ADRA1D: variants seen among roughly 807,000 people sequenced by gnomAD.
ADRA1D encodes alpha-1D adrenergic receptor.
In ADRA1D, 22 loss-of-function variants were observed where a neutral mutation model predicts 18.6. The observed-to-expected ratio is 1.19, with a 90% CI of 0.85 to 1.69. ADRA1D has a LOEUF of 1.69. ADRA1D is among the 40% of genes most tolerant of loss of function. The probability of loss-of-function intolerance (pLI) is 0.00; values close to 1 mark genes in which losing one functional copy is unlikely to be tolerated. For synonymous variants in ADRA1D, 376 were observed against 388.2 expected, an observed-to-expected ratio of 0.97 and a Z score of 0.37; for missense variants, 840 against 840.7, an observed-to-expected ratio of 1.00 and a Z score of 0.01.
chr20:4,237,656 G>A (rs1981124536), intron 1 of ADRA1D, among the ~76,000 whole-genome samples: 1 of 123,290 alleles, frequency 8.1e-6, no homozygotes, highest in Non-Finnish European at 1.7e-5. Flanking sequence ...CTAATGTCAG[G>A]ATTTTTTTTT....
chr20:4,238,011 G>T (rs914175957), intron 1 of ADRA1D, among the ~76,000 whole-genome samples: 4 of 151,160 alleles, frequency 2.6e-5, no homozygotes, highest in African/African-American at 9.7e-5. Flanking sequence ...ACTTTGGGAG[G>T]CCGAGGCGGG....
chr20:4,226,444 A>G lies in ADRA1D; in HGVS notation c.1112-4314T>C, dbSNP rs6107426. ...AGAATCAGGGAAAAGAAGGAAGCCA[A>G]TAAAGTGTGTTATCAAGTTACGGAT... On this transcript the variant is annotated intron_variant, in intron 1 of 1. Transcript: ENST00000379453. Among the ~76,000 whole-genome samples, 776 of 152,352 alleles carry G rather than the reference A, an allele frequency of 5.1e-3. 7 individuals carry two copies. Among genetic ancestry groups the G allele is most frequent in the African/African-American group, 0.018 (745 of 41,580 alleles).
rs1981123230 is a variant in ADRA1D, at chr20:4,237,613, T to C, written c.1111+10234A>G. Among the ~76,000 whole-genome samples, 5 of 150,744 alleles carry C rather than the reference T, an allele frequency of 3.3e-5. No individual in the cohort carries two copies. The South Asian group carries it at 1.0e-3, about 32-fold the overall frequency. On this transcript the variant is annotated intron_variant, in intron 1 of 1. Coordinates refer to ENST00000379453, the MANE Select transcript of ADRA1D (RefSeq NM_000678.4). ...AGCTACCCTGAGTAGGGCTGATGCA[T>C]GTGGCAGGTGGGAAAAGGTGTCCTA...
At position 4,221,863 on chromosome 20, in the gene ADRA1D, G is replaced by C; in HGVS notation, c.1379C>G (p.Ala460Gly). The change falls in exon 2 of 2, where the codon GCG (alanine) becomes GGG (glycine). Residue 460 changes from alanine (A) to glycine (G), a missense_variant. Physicochemically the swap from Ala to Gly is moderately conservative, Grantham distance 60 (BLOSUM62 0). Transcript: ENST00000379453. ...GGGGAGCGCGGTGAGGGCCAGCGGC[G>C]CTCCGGGGGGCGCGTCGCCCGAACT... is the stretch of plus-strand genomic sequence containing the variant. ...APSSGDAPPG[A>G]PLALTALPDP... 1.4e-6 allele frequency: 2 copies of C among 1,462,746 alleles called. No individual in the cohort carries two copies. The highest frequency in any genetic ancestry group is 1.8e-6 in the Non-Finnish European group (2 of 1,116,436). The allele number at this position is 1,462,746 out of a possible 1,614,324, so 90.6% of individuals were successfully genotyped here. A position where few individuals can be genotyped will look rare whatever the true frequency, so the allele number is the denominator to read the frequency against.
rs1320281165 is a variant in ADRA1D at position 4,246,843 on chromosome 20, G to A, written c.1111+1004C>T. Among the ~76,000 whole-genome samples, 4 of 152,238 alleles carry A rather than the reference G, an allele frequency of 2.6e-5. No homozygotes were observed. In the East Asian group the frequency reaches 7.7e-4, roughly 29 times the overall value. On this transcript the variant is annotated intron_variant, in intron 1 of 1. Coordinates refer to ENST00000379453, the MANE Select transcript of ADRA1D (RefSeq NM_000678.4). ...ATATATAAAGTTCACTGTGGCTGCA[G>A]TGTGGAAAGGGCTTCCGGGGGCACA...
At chr20:4,225,147 A>G (rs896932683) in intron 1 of ADRA1D, among the ~76,000 whole-genome samples, 3 of 151,390 alleles carry the variant, frequency 2.0e-5, no homozygotes, top group Admixed American at 2.0e-4. Flanking sequence ...GACTACAGGC[A>G]CGCACCACCA....
intron 1 of ADRA1D, among the ~76,000 whole-genome samples, chr20:4,226,027 C>T (rs1232684095): frequency 6.6e-6 from 1 of 152,220 alleles, no homozygotes; most frequent in African/African-American, 2.4e-5. Flanking sequence ...CCTTCTGACT[C>T]AAGCTACAAT....
At chr20:4,223,251 A>G (rs1166854967) in intron 1 of ADRA1D, among the ~76,000 whole-genome samples, 1 of 152,270 alleles carries the variant, frequency 6.6e-6, no homozygotes, top group Non-Finnish European at 1.5e-5. Context: ...ATGCAGAAGC[A>G]TATTCATTAG....
In ADRA1D at chr20:4,248,363, G is replaced by T. The variant is rs753986566; in HGVS notation, c.595C>A (p.Arg199Ser). ...TISVDRYVGVRHSLKYPAIMT... is the reference protein window; with the variant it reads ...TISVDRYVGVSHSLKYPAIMT... ...ATGGCTGGGTACTTGAGTGAGTGGC[G>T]CACGCCCACGTACCGGTCCACGGAG... Residue 199 changes from arginine to serine, a missense_variant, in exon 1 of 2, where the codon CGC becomes AGC. Transcript: ENST00000379453. The T allele has an allele frequency of 6.2e-7, 1 of 1,606,728 alleles. No individual in the cohort carries two copies. The highest frequency in any genetic ancestry group is 1.1e-5 in the South Asian group (1 of 89,918).
chr20:4,227,386 C>G (rs1251581669), intron 1 of ADRA1D, among the ~76,000 whole-genome samples: 1 of 152,184 alleles, frequency 6.6e-6, no homozygotes, highest in Non-Finnish European at 1.5e-5. Flanking sequence ...ACCCGCAGCA[C>G]ATCACTCTCC....
intron 1 of ADRA1D, among the ~76,000 whole-genome samples, chr20:4,234,286 C>T (rs1158710604): frequency 2.0e-5 from 3 of 152,334 alleles, no homozygotes; most frequent in African/African-American, 7.2e-5. Context: ...TTGCTGAGGA[C>T]AGACGGCGCT....
chr20:4,232,461 C>T (rs1054468968), intron 1 of ADRA1D, among the ~76,000 whole-genome samples: 1 of 152,184 alleles, frequency 6.6e-6, no homozygotes, highest in Admixed American at 6.5e-5. Flanking sequence ...TCCTCAAGGG[C>T]GCCTTGCAGG....
intron 1 of ADRA1D, among the ~76,000 whole-genome samples, chr20:4,227,738 CCTTCCTTCCTT>C (rs1287879047): frequency 8.1e-6 from 1 of 123,544 alleles, no homozygotes; most frequent in African/African-American, 3.0e-5. Flanking sequence ...TTCCTTCCTT[CCTTCCTTCCTT>C]CTTCTCTCTC....
rs1600850738 is a variant in ADRA1D, at chr20:4,239,135, G to T, written c.1111+8712C>A. 6.6e-6 allele frequency among the ~76,000 whole-genome samples: 1 copy of T among 150,928 alleles called. No individual in the cohort carries two copies. The highest frequency in any genetic ancestry group is 2.4e-5 in the African/African-American group (1 of 41,260). On this transcript the variant is annotated intron_variant, in intron 1 of 1. Transcript: ENST00000379453. This position sits in a 1 kb window ranked among gnomAD's most constrained non-coding sequence, Gnocchi z 4.9. ...CCTTGGAGGAGGGGAGGAGGGGAAG[G>T]TCATTGTAGTCTCAAGGCCAGAGTG...
chr20:4,248,119 A>G lies in ADRA1D; in HGVS notation c.839T>C (p.Val280Ala), dbSNP rs1299803817. ...IVVMYCRVYV[V>A]ARSTTRSLEA... Reference sequence around the variant, plus strand: ...GAGGCTGCGCGTGGTGCTGCGCGCGACCACGTACACGCGGCAGTACATGAC... The same window carrying G: ...GAGGCTGCGCGTGGTGCTGCGCGCGGCCACGTACACGCGGCAGTACATGAC... The change falls in exon 1 of 2, where the codon GTC (valine) becomes GCC (alanine). Residue 280 changes from valine (V) to alanine (A), a missense_variant. By Grantham distance (64) the Val-to-Ala change is moderately conservative. Transcript: ENST00000379453. The G allele has an allele frequency of 1.3e-6, 2 of 1,564,116 alleles. No individual in the cohort carries two copies. Among genetic ancestry groups the G allele is most frequent in the Non-Finnish European group, 1.7e-6 (2 of 1,154,474 alleles).
rs1981416134 is a variant in ADRA1D at position 4,248,661 on chromosome 20, C to G, written c.297G>C (p.Val99=). The G allele has an allele frequency of 6.2e-7, 1 of 1,605,554 alleles. No individual in the cohort carries two copies. The highest frequency in any genetic ancestry group is 8.5e-7 in the Non-Finnish European group (1 of 1,176,826). Residue 99 remains valine (V), a synonymous_variant, in exon 1 of 2, where the codon GTG becomes GTC. Transcript: ENST00000379453. The stretch of plus-strand genomic sequence containing the variant: ...GGATGAAGGCTGCCAGGAAGACGCC[C>G]ACGCCCACGCCCTGCGCGCTCACCA... ...GLVVSAQGVG[V]GVFLAAFILM... is the part of the protein sequence containing the mutation.
chr20:4,233,317 C>T (rs1032535689), intron 1 of ADRA1D, among the ~76,000 whole-genome samples: 3 of 151,816 alleles, frequency 2.0e-5, no homozygotes, highest in Admixed American at 1.3e-4. Context: ...AAAAATTAGC[C>T]AGGTGTGGTG....
chr20:4,231,038 T>TTCTTTCTTTCTTTC (rs71332805), intron 1 of ADRA1D, among the ~76,000 whole-genome samples: 1 of 108,618 alleles, frequency 9.2e-6, no homozygotes, highest in African/African-American at 3.8e-5. Flanking sequence ...CTTTCTTTCT[T>TTCTTTCTTTCTTTC]TTTCTTTCTT....
intron 1 of ADRA1D, among the ~76,000 whole-genome samples, chr20:4,244,986 C>T (rs1021235891): frequency 3.3e-5 from 5 of 152,214 alleles, no homozygotes; most frequent in Non-Finnish European, 7.3e-5. Flanking sequence ...CCTCCACCCC[C>T]CAATTCCCTA....
Sources: allele counts gnomAD v4.1 joint callset (sites outside exome capture counted in the v4.1 genomes callset), GRCh38; gene constraint gnomAD v4.1.1; non-coding constraint Gnocchi (gnomAD v3.1); transcripts MANE v1.5; gene names NCBI Gene and HGNC (gene_info 2026-07-23, HGNC 2026-07-21).